Variants in PIEZO2 observed in about 807,000 individuals in gnomAD.
PIEZO2 encodes piezo type mechanosensitive ion channel component 2.
Under a neutral mutation model 337.3 loss-of-function variants are expected in PIEZO2, and 172 were observed. That is an observed-to-expected ratio of 0.51 (90% CI 0.45 to 0.58). The LOEUF (loss-of-function observed/expected upper bound fraction) is 0.58, where lower values mean the gene tolerates loss of function less well. Among genes scored for constraint, PIEZO2 ranks in the 20% least tolerant of loss-of-function variants. The pLI is 0.00. For missense variants in PIEZO2, 3,028 were observed against 3,391.3 expected, an observed-to-expected ratio of 0.89 and a Z score of 2.66; for synonymous variants, 1,251 against 1,228.5, an observed-to-expected ratio of 1.02 and a Z score of -0.38.
At position 10,993,456 on chromosome 18, in the gene PIEZO2, T is replaced by A. The variant is rs1034833024; in HGVS notation, c.161-13796A>T. Among the ~76,000 whole-genome samples, 4 of 152,214 alleles carry A rather than the reference T, an allele frequency of 2.6e-5. No individual in the cohort carries two copies. Among genetic ancestry groups the A allele is most frequent in the Non-Finnish European group, 5.9e-5 (4 of 68,038 alleles). ...TTTTGTTGAAAGCCTTTTCTGCATC[T>A]ATTGAGATAATCATGTCGTTTTTGT... On this transcript the variant is annotated intron_variant, in intron 2 of 55. Transcript: ENST00000674853. This position sits in a 1 kb window ranked among gnomAD's most constrained non-coding sequence, Gnocchi z 5.0.
At chr18:11,142,272 AAAT>A (rs1391075115) in intron 1 of PIEZO2, among the ~76,000 whole-genome samples, 1 of 152,244 alleles carries the variant, frequency 6.6e-6, no homozygotes, top group Non-Finnish European at 1.5e-5. Flanking sequence ...TAAATTTTAA[AAAT>A]AATTTAGCTA....
At chr18:10,743,039 G>T (rs2037287680) in intron 31 of PIEZO2, among the ~76,000 whole-genome samples, 1 of 152,162 alleles carries the variant, frequency 6.6e-6, no homozygotes, top group Admixed American at 6.5e-5. Context: ...GAGAATTACA[G>T]TAATAGACCT....
chr18:10,738,959 A>G (rs892009699), intron 33 of PIEZO2: 7 of 152,162 alleles, frequency 4.6e-5, no homozygotes. Context: ...ACATAGCAAC[A>G]TTTTTGTATT....
chr18:11,040,956 T>C (rs1217526629), intron 2 of PIEZO2, among the ~76,000 whole-genome samples: 2 of 152,314 alleles, frequency 1.3e-5, no homozygotes, highest in East Asian at 3.9e-4. Context: ...TGAGTGGGAA[T>C]GGTCCGAAAG....
At position 10,682,700 on chromosome 18, in the gene PIEZO2, G is replaced by T. The variant is rs1449455622; in HGVS notation, c.7498-408C>A. On this transcript the variant is annotated intron_variant, in intron 49 of 55. Coordinates refer to ENST00000674853, the MANE Select transcript of PIEZO2 (RefSeq NM_001378183.1). The surrounding 1 kb of genome is among the most constrained non-coding windows in gnomAD (Gnocchi z 5.6). Reference sequence around the variant, plus strand: ...CAATTCCTGAATATTTAAAATCTGTGCCTTTCAGTTGACCCTTCCCTGCCC... The same window carrying T: ...CAATTCCTGAATATTTAAAATCTGTTCCTTTCAGTTGACCCTTCCCTGCCC... Among the ~76,000 whole-genome samples the T allele has an allele frequency of 6.6e-6, 1 of 152,084 alleles. No homozygotes were observed. Among genetic ancestry groups the T allele is most frequent in the Non-Finnish European group, 1.5e-5 (1 of 68,022 alleles).
Position 11,104,928 on chromosome 18 carries a change from GC to G in PIEZO2, c.65-38707del, listed in dbSNP as rs149500932. Among the ~76,000 whole-genome samples, 1,215 of 152,234 alleles carry G rather than the reference GC, an allele frequency of 8.0e-3. 17 individuals carry two copies. Among genetic ancestry groups the G allele is most frequent in the African/African-American group, 0.027 (1,139 of 41,520 alleles). On this transcript the variant is annotated intron_variant, in intron 1 of 55. Transcript: ENST00000674853. This position sits in a 1 kb window ranked among gnomAD's most constrained non-coding sequence, Gnocchi z 4.6. ...CCCCTCCCCAGGTACAATGTTTGGTGCTGGGATCCCAGCAGGGCCACAGCGT... is the reference window on the plus strand; with the variant it reads ...CCCCTCCCCAGGTACAATGTTTGGTGTGGGATCCCAGCAGGGCCACAGCGT...
intron 9 of PIEZO2, among the ~76,000 whole-genome samples, chr18:10,802,529 T>C (rs1343406736): frequency 2.6e-5 from 4 of 152,240 alleles, no homozygotes; most frequent in Non-Finnish European, 5.9e-5. Context: ...TGTTTTATAA[T>C]TTTGCATATC....
In PIEZO2 at chr18:11,114,340, C is replaced by T. The variant is rs560733389; in HGVS notation, c.64+34185G>A. ...TACAATGACAAGAAAGAGGCATGTACAACTGTCTTCACTAATAAAGGATTT... is the reference window on the plus strand; with the variant it reads ...TACAATGACAAGAAAGAGGCATGTATAACTGTCTTCACTAATAAAGGATTT... On this transcript the variant is annotated intron_variant, in intron 1 of 55. Transcript: ENST00000674853. Among the ~76,000 whole-genome samples, 24 of 152,272 alleles carry T rather than the reference C, an allele frequency of 1.6e-4. 1 individual carries two copies. The South Asian group carries it at 3.9e-3, about 25-fold the overall frequency.
intron 1 of PIEZO2, among the ~76,000 whole-genome samples, chr18:11,147,386 C>T (rs1182595050): frequency 6.6e-6 from 1 of 152,172 alleles, no homozygotes; most frequent in Non-Finnish European, 1.5e-5. Flanking sequence ...TCTTCACTCA[C>T]GAAGTGTGTT....
chr18:10,860,003 T>G (rs2041831123), intron 5 of PIEZO2, among the ~76,000 whole-genome samples: 1 of 152,112 alleles, frequency 6.6e-6, no homozygotes, highest in Non-Finnish European at 1.5e-5. Context: ...AGCTCCTCTA[T>G]TTTTGTCTAG....
At chr18:10,749,285 A>G (rs1024048091) in intron 29 of PIEZO2, among the ~76,000 whole-genome samples, 1 of 152,044 alleles carries the variant, frequency 6.6e-6, no homozygotes, top group East Asian at 1.9e-4. Flanking sequence ...CATCTCTACA[A>G]AAAATTAAAA....
intron 3 of PIEZO2, among the ~76,000 whole-genome samples, chr18:10,977,947 A>G (rs1490330229): frequency 6.6e-6 from 1 of 152,190 alleles, no homozygotes; most frequent in Non-Finnish European, 1.5e-5. Flanking sequence ...ATTCATGGGC[A>G]TGGAGTTTCC....
At position 11,070,003 on chromosome 18, in the gene PIEZO2, G is replaced by T. The variant is rs2038281458; in HGVS notation, c.65-3781C>A. 2.6e-5 allele frequency among the ~76,000 whole-genome samples: 4 copies of T among 152,178 alleles called. No homozygotes were observed. The South Asian group carries it at 6.2e-4, about 24-fold the overall frequency. On this transcript the variant is annotated intron_variant, in intron 1 of 55. Coordinates refer to ENST00000674853, the MANE Select transcript of PIEZO2 (RefSeq NM_001378183.1). The surrounding 1 kb of genome is among the most constrained non-coding windows in gnomAD (Gnocchi z 4.3). ...GGAAGAATATAAAACATTGATAATA[G>T]AAATTGAAGAAGACACAAATACAGT...
chr18:11,148,764 C>T lies in PIEZO2; in HGVS notation c.-176G>A. ...GCCCCGAGGGCACGCTCCCGGGGCTCTTGGCCGCCCCTCGCCCACCGGGCT... is the reference window on the plus strand; with the variant it reads ...GCCCCGAGGGCACGCTCCCGGGGCTTTTGGCCGCCCCTCGCCCACCGGGCT... On this transcript the variant is annotated 5_prime_UTR_variant, in exon 1 of 56. Coordinates refer to ENST00000674853, the MANE Select transcript of PIEZO2 (RefSeq NM_001378183.1). This position sits in a 1 kb window ranked among gnomAD's most constrained non-coding sequence, Gnocchi z 5.2. The T allele has an allele frequency of 1.7e-6, 1 of 598,242 alleles. No individual in the cohort carries two copies. The highest frequency in any genetic ancestry group is 2.8e-6 in the Non-Finnish European group (1 of 361,290). The allele number at this position is 598,242 out of a possible 1,614,324, so 37.1% of individuals were successfully genotyped here.
At position 10,671,218 on chromosome 18, in the gene PIEZO2, G is replaced by T. The variant is rs2033757288; in HGVS notation, c.*309C>A. On this transcript the variant is annotated 3_prime_UTR_variant, in exon 56 of 56. Coordinates refer to ENST00000674853, the MANE Select transcript of PIEZO2 (RefSeq NM_001378183.1). Reference sequence around the variant, plus strand: ...CATCTTTCTTTCTGACTCCTCTTCTGTTTCTCTTAGGGACGGGGCCCATAA... The same window carrying T: ...CATCTTTCTTTCTGACTCCTCTTCTTTTTCTCTTAGGGACGGGGCCCATAA... 1.7e-5 allele frequency: 4 copies of T among 238,598 alleles called. No homozygotes were observed. In the South Asian group the frequency reaches 2.6e-4, roughly 15 times the overall value. 14.8% of individuals were successfully genotyped at this position (238,598 alleles called of 1,614,324 possible). A position where few individuals can be genotyped will look rare whatever the true frequency, so the allele number is the denominator to read the frequency against.
Position 10,783,669 on chromosome 18 carries a change from A to C in PIEZO2, c.2492+1115T>G, listed in dbSNP as rs1383407958. On this transcript the variant is annotated intron_variant, in intron 17 of 55. Coordinates refer to ENST00000674853, the MANE Select transcript of PIEZO2 (RefSeq NM_001378183.1). This position sits in a 1 kb window ranked among gnomAD's most constrained non-coding sequence, Gnocchi z 4.3. ...AGAGCCTGATTTTCCTGGTGGCTAG[A>C]TAGCAAAACAAGTCATGACTGATTG... 6.6e-6 allele frequency among the ~76,000 whole-genome samples: 1 copy of C among 152,212 alleles called. No individual in the cohort carries two copies. The highest frequency in any genetic ancestry group is 1.5e-5 in the Non-Finnish European group (1 of 68,040).
chr18:10,821,208 G>C lies in PIEZO2; in HGVS notation c.918-13934C>G, dbSNP rs1341442463. 6.6e-6 allele frequency among the ~76,000 whole-genome samples: 1 copy of C among 152,052 alleles called. No homozygotes were observed. Among genetic ancestry groups the C allele is most frequent in the African/African-American group, 2.4e-5 (1 of 41,380 alleles). ...GTTTGGATTCCCTTCCCCACATAAT[G>C]TACAGTAAATTCCTCCAGGTAGAAA... On this transcript the variant is annotated intron_variant, in intron 7 of 55. Coordinates refer to ENST00000674853, the MANE Select transcript of PIEZO2 (RefSeq NM_001378183.1). The surrounding 1 kb of genome is among the most constrained non-coding windows in gnomAD (Gnocchi z 4.2).
intron 36 of PIEZO2, among the ~76,000 whole-genome samples, chr18:10,723,653 A>ATCCC (rs2036412385): frequency 6.6e-6 from 1 of 152,076 alleles, no homozygotes; most frequent in Non-Finnish European, 1.5e-5. Context: ...CAGACAAGGG[A>ATCCC]GCTCGGCAGC....
In PIEZO2 at chr18:10,888,718, C is replaced by A. The variant is rs549671669; in HGVS notation, c.330-17303G>T. On this transcript the variant is annotated intron_variant, in intron 4 of 55. Transcript: ENST00000674853. The surrounding 1 kb of genome is among the most constrained non-coding windows in gnomAD (Gnocchi z 4.1). ...TTGTAAATCTTTGCTCTGATAGTGA[C>A]AAACATGGCTCCCATTATCCTTAAT... Among the ~76,000 whole-genome samples the A allele has an allele frequency of 6.6e-6, 1 of 152,254 alleles. No homozygotes were observed. Among genetic ancestry groups the A allele is most frequent in the South Asian group, 2.1e-4 (1 of 4,812 alleles).
Sources: gnomAD v4.1 joint callset for allele counts (sites outside exome capture counted in the v4.1 genomes callset) on GRCh38, gnomAD v4.1.1 for gene constraint, Gnocchi (gnomAD v3.1) non-coding constraint, MANE v1.5 for transcripts, NCBI Gene and HGNC (gene_info 2026-07-23, HGNC 2026-07-21) for gene names.